TTL: variants seen among roughly 807,000 people sequenced by gnomAD.
The protein encoded by TTL is tubulin tyrosine ligase.
Under a neutral mutation model 41.1 loss-of-function variants are expected in TTL, and 10 were observed. The observed-to-expected ratio is 0.24, with a 90% CI of 0.15 to 0.41. The LOEUF (loss-of-function observed/expected upper bound fraction) is 0.41, where lower values mean the gene tolerates loss of function less well. Ranked by LOEUF, TTL falls within the 10% of genes least tolerant of loss-of-function variation. The pLI is 1.00. For missense variants in TTL, 367 were observed against 460.4 expected (o/e 0.80, Z 1.86); for synonymous variants, 175 against 175.5 (o/e 1.00, Z 0.02).
At chr2:112,510,188 A>C (rs1681887549) in intron 5 of TTL, among the ~76,000 whole-genome samples, 1 of 152,148 alleles carries the variant, frequency 6.6e-6, no homozygotes, top group Admixed American at 6.5e-5. Context: ...CTGGAGTACA[A>C]GTGTGATCAT....
At position 112,482,592 on chromosome 2, in the gene TTL, G is replaced by A; in HGVS notation, c.157+91G>A. ...TAGAACCGGCGCTTTTGTTTTTAAA[G>A]GTCATACATTTTCTCCTCTGTCGCT... On this transcript the variant is annotated intron_variant, in intron 1 of 6. Transcript: ENST00000233336. The surrounding 1 kb of genome is among the most constrained non-coding windows in gnomAD (Gnocchi z 5.3). 1.4e-6 allele frequency: 2 copies of A among 1,381,872 alleles called. No homozygotes were observed. The highest frequency in any genetic ancestry group is 1.9e-6 in the Non-Finnish European group (2 of 1,042,818). The allele number at this position is 1,381,872 out of a possible 1,614,324, so 85.6% of individuals were successfully genotyped here.
At chr2:112,494,117 G>A in intron 2 of TTL, 26 bp from the exon 3 acceptor site, 1 of 1,593,614 alleles carries the variant, frequency 6.3e-7, no homozygotes, top group East Asian at 2.2e-5. Flanking sequence ...AAGAAGGGAG[G>A]CTGATCCTCT....
At chr2:112,507,597 T>G (rs1043093015) in intron 5 of TTL, among the ~76,000 whole-genome samples, 2 of 119,422 alleles carry the variant, frequency 1.7e-5, no homozygotes, top group African/African-American at 6.6e-5. Context: ...TTTTGATCTT[T>G]GTTGATTTAA....
chr2:112,523,766 A>AC (rs1278305079), intron 6 of TTL, among the ~76,000 whole-genome samples: 8 of 14,190 alleles, frequency 5.6e-4, no homozygotes, highest in South Asian at 5.1e-3. Context: ...TACAGTGGCA[A>AC]CCAGTTTTTT....
intron 5 of TTL, among the ~76,000 whole-genome samples, chr2:112,519,658 G>A (rs1394397309): frequency 1.3e-5 from 2 of 151,260 alleles, no homozygotes; most frequent in Non-Finnish European, 2.9e-5. Flanking sequence ...AACAAACATG[G>A]CAGCAGCCCA....
chr2:112,501,706 A>G (rs1448040523), intron 4 of TTL, among the ~76,000 whole-genome samples: 1 of 152,046 alleles, frequency 6.6e-6, no homozygotes. Flanking sequence ...CGTCTCTAGT[A>G]AAAATACAAA....
At position 112,528,915 on chromosome 2, in the gene TTL, T is replaced by C; in HGVS notation, c.*120T>C. 3.7e-6 allele frequency: 3 copies of C among 820,918 alleles called. No individual in the cohort carries two copies. Among genetic ancestry groups the C allele is most frequent in the Non-Finnish European group, 6.1e-6 (3 of 493,424 alleles). The allele number at this position is 820,918 out of a possible 1,614,324, so 50.9% of individuals were successfully genotyped here. On this transcript the variant is annotated 3_prime_UTR_variant, in exon 7 of 7. Transcript: ENST00000233336. ...GGGAAAGAAAGGCAACTCGCAAAGA[T>C]GAGATGGAAGAAGGCACGTGAGCAG...
chr2:112,483,270 G>C (rs942090030), intron 1 of TTL: 4 of 152,284 alleles, frequency 2.6e-5, no homozygotes, highest in African/African-American at 9.7e-5. Flanking sequence ...ATGTCCACGG[G>C]TAGGAAAGCG....
chr2:112,507,696 G>C (rs1469800069), intron 5 of TTL, among the ~76,000 whole-genome samples: 1 of 147,134 alleles, frequency 6.8e-6, no homozygotes, highest in Non-Finnish European at 1.5e-5. Flanking sequence ...CTTTTATTTT[G>C]AGCCTATGTG....
At chr2:112,525,415 A>G (rs1215068155) in intron 6 of TTL, among the ~76,000 whole-genome samples, 1 of 152,150 alleles carries the variant, frequency 6.6e-6, no homozygotes, top group Non-Finnish European at 1.5e-5. Context: ...GATTCTTCCT[A>G]TCCATGAGCA....
rs1682586908 is a variant in TTL at position 112,535,844 on chromosome 2, G to GC, written c.*7051dup. ...TTTAGAGACAGAGTCTTGCTCTGTT[G>GC]CCTAGGTTGGAGTCTAGTGGTGTAA... On this transcript the variant is annotated 3_prime_UTR_variant, in exon 7 of 7. Transcript: ENST00000233336. The GC allele has an allele frequency of 6.6e-6, 1 of 152,042 alleles. No individual in the cohort carries two copies. Among genetic ancestry groups the GC allele is most frequent in the African/African-American group, 2.4e-5 (1 of 41,372 alleles). The allele number at this position is 152,042 out of a possible 1,614,324, so 9.4% of individuals were successfully genotyped here.
rs569498242 is a variant in TTL, at chr2:112,539,308, CT to C, written c.*10514del. 24 of 152,050 alleles carry C rather than the reference CT, an allele frequency of 1.6e-4. No homozygotes were observed. The highest frequency in any genetic ancestry group is 4.6e-4 in the African/African-American group (19 of 41,452). The allele number at this position is 152,050 out of a possible 1,614,324, so 9.4% of individuals were successfully genotyped here. On this transcript the variant is annotated 3_prime_UTR_variant, in exon 7 of 7. Coordinates refer to ENST00000233336, the MANE Select transcript of TTL (RefSeq NM_153712.5). ...GTAACAAATTCGCACATGTACCCCC[CT>C]GATTCTAAAATAAACGTTGAGAAGG...
At position 112,533,742 on chromosome 2, in the gene TTL, A is replaced by T. The variant is rs1682550957; in HGVS notation, c.*4947A>T. On this transcript the variant is annotated 3_prime_UTR_variant, in exon 7 of 7. Coordinates refer to ENST00000233336, the MANE Select transcript of TTL (RefSeq NM_153712.5). ...ATGAGGGTAGAGCTCTCGTGACCTA[A>T]CCTCTTACAGGTCCCACCTCTCAAC... The T allele has an allele frequency of 6.6e-6, 1 of 152,084 alleles. No individual in the cohort carries two copies. The highest frequency in any genetic ancestry group is 6.6e-5 in the Admixed American group (1 of 15,264). The allele number at this position is 152,084 out of a possible 1,614,324, so 9.4% of individuals were successfully genotyped here.
Position 112,483,881 on chromosome 2 carries a change from T to C in TTL, c.157+1380T>C, listed in dbSNP as rs555089880. The C allele has an allele frequency of 2.0e-5, 3 of 152,362 alleles. No homozygotes were observed. In the South Asian group the frequency reaches 6.2e-4, roughly 32 times the overall value. The allele number at this position is 152,362 out of a possible 1,614,324, so 9.4% of individuals were successfully genotyped here. A position where few individuals can be genotyped will look rare whatever the true frequency, so the allele number is the denominator to read the frequency against. On this transcript the variant is annotated intron_variant, in intron 1 of 6. Transcript: ENST00000233336. ...GGAGACTGTGCCTGGAGGCTCCCTT[T>C]GGTTAACCGGTGTCAGGAAGACCCT... is the stretch of plus-strand genomic sequence containing the variant.
Position 112,539,797 on chromosome 2 carries a change from G to A in TTL, c.*11002G>A, listed in dbSNP as rs1292198005. ...AAAAAGTCCTAAGAAATCCACTTAC[G>A]CTGTTAGAACTAATAAAGAGTTTAG... is the stretch of plus-strand genomic sequence containing the variant. On this transcript the variant is annotated 3_prime_UTR_variant, in exon 7 of 7. Coordinates refer to ENST00000233336, the MANE Select transcript of TTL (RefSeq NM_153712.5). The A allele has an allele frequency of 2.0e-5, 3 of 152,156 alleles. No homozygotes were observed. The highest frequency in any genetic ancestry group is 4.8e-5 in the African/African-American group (2 of 41,434). The allele number at this position is 152,156 out of a possible 1,614,324, so 9.4% of individuals were successfully genotyped here.
Position 112,501,361 on chromosome 2 carries a change from A to T in TTL, c.605+20A>T. On this transcript the variant is annotated intron_variant, in intron 4 of 6. Coordinates refer to ENST00000233336, the MANE Select transcript of TTL (RefSeq NM_153712.5). ...CATCCGGTAATGCATTCATGTCCAT[A>T]GCTTTTGTTTTTATTCATCTGAAAA... The T allele has an allele frequency of 6.5e-7, 1 of 1,549,286 alleles. No individual in the cohort carries two copies. The highest frequency in any genetic ancestry group is 1.1e-5 in the South Asian group (1 of 87,198).
rs1408754571 is a variant in TTL at position 112,532,941 on chromosome 2, T to C, written c.*4146T>C. The C allele has an allele frequency of 3.3e-5, 5 of 152,244 alleles. No individual in the cohort carries two copies. The highest frequency in any genetic ancestry group is 5.9e-5 in the Non-Finnish European group (4 of 68,044). The allele number at this position is 152,244 out of a possible 1,614,324, so 9.4% of individuals were successfully genotyped here. ...AGCCCATCGTTTCTTACGTGTCTTG[T>C]GTATCGAGTTCTTGTAAAGCATTTC... On this transcript the variant is annotated 3_prime_UTR_variant, in exon 7 of 7. Coordinates refer to ENST00000233336, the MANE Select transcript of TTL (RefSeq NM_153712.5).
intron 6 of TTL, among the ~76,000 whole-genome samples, chr2:112,521,599 C>T (rs970371027): frequency 1.2e-4 from 19 of 152,234 alleles, no homozygotes; most frequent in African/African-American, 2.4e-4. Context: ...CTGATGGTTA[C>T]GACAGGCATG....
chr2:112,517,584 T>C (rs1682104848), intron 5 of TTL, among the ~76,000 whole-genome samples: 2 of 151,790 alleles, frequency 1.3e-5, no homozygotes, highest in African/African-American at 4.8e-5. Context: ...TCTCTCTCTC[T>C]TTTTTACCAT....
Sources: allele counts gnomAD v4.1 joint callset (sites outside exome capture counted in the v4.1 genomes callset), GRCh38; gene constraint gnomAD v4.1.1; non-coding constraint Gnocchi (gnomAD v3.1); transcripts MANE v1.5; gene names NCBI Gene and HGNC (gene_info 2026-07-23, HGNC 2026-07-21).